Variants in SFSWAP observed in about 807,000 individuals in gnomAD.
SFSWAP encodes splicing factor, suppressor of white-apricot homolog.
Under a neutral mutation model 100.7 loss-of-function variants are expected in SFSWAP, and 17 were observed. That is an observed-to-expected ratio of 0.17 (90% CI 0.12 to 0.25). SFSWAP has a LOEUF of 0.25. Ranked by LOEUF, SFSWAP falls within the 10% of genes least tolerant of loss-of-function variation. SFSWAP has a pLI of 1.00. For synonymous variants in SFSWAP, 504 were observed against 510.1 expected (o/e 0.99, Z 0.16); for missense variants, 1,005 against 1,262.6 (o/e 0.80, Z 3.09).
rs189332866 is a variant in SFSWAP, at chr12:131,750,540, G to A, written c.1082-2583G>A. 2.7e-3 allele frequency among the ~76,000 whole-genome samples: 404 copies of A among 152,306 alleles called. 1 individual carries two copies. The highest frequency in any genetic ancestry group is 6.8e-3 in the Middle Eastern group (2 of 294). On this transcript the variant is annotated intron_variant, in intron 7 of 17. Coordinates refer to ENST00000261674, the MANE Select transcript of SFSWAP (RefSeq NM_004592.4). Reference sequence around the variant, plus strand: ...GCTCTCCTCTGTGAGAATCTCCTGGGTCTGGGTCAAGGGTGTGCCCAGAGC... The same window carrying A: ...GCTCTCCTCTGTGAGAATCTCCTGGATCTGGGTCAAGGGTGTGCCCAGAGC...
chr12:131,722,608 A>G (rs999959025), intron 4 of SFSWAP, among the ~76,000 whole-genome samples: 17 of 152,304 alleles, frequency 1.1e-4, no homozygotes, highest in Middle Eastern at 3.4e-3. Flanking sequence ...TGTACCAGAC[A>G]GTGTACTAAG....
intron 7 of SFSWAP, among the ~76,000 whole-genome samples, chr12:131,740,966 C>CTTTTTTTTTTTTTTTTTT (rs60047663): frequency 1.5e-3 from 107 of 70,166 alleles, no homozygotes; most frequent in East Asian, 3.6e-3. Context: ...TCTTTTTTTT[C>CTTTTTTTTTTTTTTTTTT]TTTTTTTTTT....
chr12:131,743,017 C>T (rs1181690759), intron 7 of SFSWAP, among the ~76,000 whole-genome samples: 1 of 152,190 alleles, frequency 6.6e-6, no homozygotes, highest in African/African-American at 2.4e-5. Flanking sequence ...TCATAAGACT[C>T]ATTCACTATT....
chr12:131,781,237 T>TTA (rs1566053429), intron 14 of SFSWAP, among the ~76,000 whole-genome samples: 10 of 55,606 alleles, frequency 1.8e-4, no homozygotes, highest in East Asian at 3.9e-4. Flanking sequence ...TCTTATTATT[T>TTA]TTTTTTTTTT....
At chr12:131,761,698 A>G in intron 11 of SFSWAP, among the ~76,000 whole-genome samples, 1 of 152,218 alleles carries the variant, frequency 6.6e-6, no homozygotes, top group Non-Finnish European at 1.5e-5. Context: ...CGTGATCTGC[A>G]AGGAAGATTC....
Position 131,717,057 on chromosome 12 carries a change from C to T in SFSWAP, c.520+2104C>T, listed in dbSNP as rs141341202. 5.8e-4 allele frequency among the ~76,000 whole-genome samples: 89 copies of T among 152,222 alleles called. No individual in the cohort carries two copies. The East Asian group carries it at 0.014, about 23-fold the overall frequency. On this transcript the variant is annotated intron_variant, in intron 3 of 17. Coordinates refer to ENST00000261674, the MANE Select transcript of SFSWAP (RefSeq NM_004592.4). The stretch of plus-strand genomic sequence containing the variant: ...AATTGGGCCCACATAAAACTTAGAG[C>T]TTGACATTTCGTGTTTAACTTGCAT...
intron 15 of SFSWAP, among the ~76,000 whole-genome samples, chr12:131,787,206 C>T (rs527551652): frequency 6.6e-6 from 1 of 152,290 alleles, no homozygotes; most frequent in South Asian, 2.1e-4. Flanking sequence ...TCTGACAGCC[C>T]AGGGTGCCAC....
chr12:131,746,856 G>A (rs1456338890), intron 7 of SFSWAP, among the ~76,000 whole-genome samples: 1 of 152,140 alleles, frequency 6.6e-6, no homozygotes, highest in Non-Finnish European at 1.5e-5. Flanking sequence ...TATAATCCCA[G>A]CACTTTGGGA....
intron 13 of SFSWAP, among the ~76,000 whole-genome samples, chr12:131,774,937 T>G (rs1048104415): frequency 6.6e-6 from 1 of 152,144 alleles, no homozygotes; most frequent in African/African-American, 2.4e-5. Flanking sequence ...AAAAAAAGTT[T>G]GGAGGCTCAA....
intron 16 of SFSWAP, among the ~76,000 whole-genome samples, chr12:131,797,806 G>A (rs910740884): frequency 2.0e-5 from 3 of 152,250 alleles, no homozygotes; most frequent in South Asian, 2.1e-4. Flanking sequence ...CAGCACAGAC[G>A]TGGGCGTCCC....
rs560672090 is a variant in SFSWAP at position 131,733,346 on chromosome 12, C to T, written c.1081+4918C>T. ...GGGGTGGATTGGCAGGCCTATAAGG[C>T]GCCTTTCACATTGAGGGTCTTAGGA... is the stretch of plus-strand genomic sequence containing the variant. On this transcript the variant is annotated intron_variant, in intron 7 of 17. Coordinates refer to ENST00000261674, the MANE Select transcript of SFSWAP (RefSeq NM_004592.4). The surrounding 1 kb of genome is among the most constrained non-coding windows in gnomAD (Gnocchi z 5.1). 6.6e-6 allele frequency among the ~76,000 whole-genome samples: 1 copy of T among 152,316 alleles called. No homozygotes were observed. The highest frequency in any genetic ancestry group is 1.9e-4 in the East Asian group (1 of 5,174).
chr12:131,772,367 G>A (rs1883686370), intron 13 of SFSWAP, among the ~76,000 whole-genome samples: 1 of 152,136 alleles, frequency 6.6e-6, no homozygotes, highest in South Asian at 2.1e-4. Context: ...TGTGCCTATT[G>A]GCATGGAAAG....
chr12:131,789,924 C>T (rs997827680), intron 15 of SFSWAP, among the ~76,000 whole-genome samples: 3 of 152,210 alleles, frequency 2.0e-5, no homozygotes, highest in Admixed American at 6.5e-5. Flanking sequence ...TCTGCCCCTT[C>T]GTCTCCCCAC....
At chr12:131,798,858 C>G (rs542092980) in intron 16 of SFSWAP, among the ~76,000 whole-genome samples, 179 bp from the exon 17 acceptor site, 4 of 151,692 alleles carry the variant, frequency 2.6e-5, no homozygotes, top group African/African-American at 9.7e-5. Context: ...CCATTGCACT[C>G]CAGCCTGGGT....
chr12:131,738,444 A>T (rs797019775), intron 7 of SFSWAP, among the ~76,000 whole-genome samples: 65 of 152,382 alleles, frequency 4.3e-4, no homozygotes, highest in African/African-American at 1.5e-3. Flanking sequence ...TTTATGCACG[A>T]ATATCAATTA....
At chr12:131,762,226 C>A (rs1882737206) in intron 11 of SFSWAP, among the ~76,000 whole-genome samples, 1 of 151,840 alleles carries the variant, frequency 6.6e-6, no homozygotes, top group Admixed American at 6.6e-5. Flanking sequence ...GAGCGAGACT[C>A]CGTCTCCAAA....
intron 8 of SFSWAP, 76 bp downstream of exon 8, chr12:131,753,439 T>C (rs549379621): frequency 6.7e-7 from 1 of 1,503,482 alleles, no homozygotes; most frequent in Non-Finnish European, 8.9e-7. Context: ...TGTGTCTCCA[T>C]GGGGGGCTTG....
chr12:131,754,341 G>A (rs2136224811), intron 8 of SFSWAP, 27 bp from the exon 9 acceptor site: 1 of 1,493,192 alleles, frequency 6.7e-7, no homozygotes. Flanking sequence ...CTGAAGCCCA[G>A]GGGTCTCACA....
chr12:131,785,452 A>C, intron 14 of SFSWAP: 1 of 440,198 alleles, frequency 2.3e-6, no homozygotes. Context: ...GGCAAAATCA[A>C]ACCGCTCTTC....
Sources: allele counts gnomAD v4.1 joint callset (sites outside exome capture counted in the v4.1 genomes callset), GRCh38; gene constraint gnomAD v4.1.1; non-coding constraint Gnocchi (gnomAD v3.1); transcripts MANE v1.5; gene names NCBI Gene and HGNC (gene_info 2026-07-23, HGNC 2026-07-21).